The following HEPH variants were observed in gnomAD, a reference collection of about 807,000 sequenced individuals.
The protein encoded by HEPH is hephaestin.
Under a neutral mutation model 80.8 loss-of-function variants are expected in HEPH, and 69 were observed. The ratio of observed to expected loss-of-function variants is 0.85; its 90% CI spans 0.70 to 1.04. The LOEUF (loss-of-function observed/expected upper bound fraction) is 1.04, where lower values mean the gene tolerates loss of function less well. HEPH is among the 50% of genes least tolerant of loss of function. The pLI, the probability that HEPH is intolerant of heterozygous loss-of-function variation, is 0.00. For missense variants in HEPH, 1,115 were observed against 891.3 expected (o/e 1.25, Z -3.20); for synonymous variants, 431 against 322.8 (o/e 1.34, Z -3.60).
At chrX:66,170,119 T>C (rs984811902) in intron 1 of HEPH, 2 of 113,373 alleles carry the variant, frequency 1.8e-5, no homozygotes, top group Non-Finnish European at 3.7e-5. Context: ...TTCTCACTTG[T>C]TGTTAAGTAC....
At chrX:66,182,093 G>T (rs1359847202) in intron 4 of HEPH, among the ~76,000 whole-genome samples, 1 of 100,781 alleles carries the variant, frequency 9.9e-6, no homozygotes, top group Non-Finnish European at 2.0e-5. Context: ...TGCTGTTTTG[G>T]TTACTGTAGC....
At position 66,198,794 on chromosome X, in the gene HEPH, C is replaced by T. The variant is rs1169919317; in HGVS notation, c.1714-84C>T. On this transcript the variant is annotated intron_variant, in intron 10 of 20. Transcript: ENST00000343002. ...GAAAAGGAAATGGGAAAGAATCTGGCATCCCTTGATCTGTAACGACACAGT... is the reference window on the plus strand; with the variant it reads ...GAAAAGGAAATGGGAAAGAATCTGGTATCCCTTGATCTGTAACGACACAGT... The T allele has an allele frequency of 8.6e-6, 6 of 701,746 alleles. No homozygotes were observed. The East Asian group carries it at 1.3e-4, about 15-fold the overall frequency. 57.8% of individuals were successfully genotyped at this position (701,746 alleles called of 1,213,427 possible). A position where few individuals can be genotyped will look rare whatever the true frequency, so the allele number is the denominator to read the frequency against.
At chrX:66,199,929 T>C (rs751511681) in intron 11 of HEPH, among the ~76,000 whole-genome samples, 77 of 108,667 alleles carry the variant, frequency 7.1e-4, no homozygotes, top group Admixed American at 1.2e-3. Context: ...CACAGGACAA[T>C]GGTGTGTGTG....
rs756918779 is a variant in HEPH, at chrX:66,188,464, A to G, written c.731A>G (p.Asn244Ser). 1.7e-6 allele frequency: 2 copies of G among 1,208,310 alleles called. No homozygotes were observed. The highest frequency in any genetic ancestry group is 3.0e-5 in the East Asian group (1 of 33,755). The change falls in exon 5 of 21, where the codon AAC becomes AGC. Residue 244 changes from asparagine (N) to serine (S), a missense_variant. By Grantham distance (46) the Asn-to-Ser change is conservative (BLOSUM62 1). Transcript: ENST00000343002. ...DENLSWHLNE[N>S]IATYCSDPAS... is the part of the protein sequence containing the mutation. Reference sequence around the variant, plus strand: ...AACCTCAGCTGGCATCTCAATGAGAACATTGCCACTTACTGCTCAGATCCT... The same window carrying G: ...AACCTCAGCTGGCATCTCAATGAGAGCATTGCCACTTACTGCTCAGATCCT...
In HEPH at chrX:66,267,115, A is replaced by C. The variant is rs1280491743; in HGVS notation, c.*443A>C. ...GTTAAGATAACCCACACTTAAACTA[A>C]AGGCTAAGAATATAGGCTTGATGGG... is the stretch of plus-strand genomic sequence containing the variant. On this transcript the variant is annotated 3_prime_UTR_variant, in exon 21 of 21. Coordinates refer to ENST00000343002, the MANE Select transcript of HEPH (RefSeq NM_001367233.3). 3.2e-5 allele frequency: 4 copies of C among 123,181 alleles called. No individual in the cohort carries two copies. The highest frequency in any genetic ancestry group is 1.3e-4 in the African/African-American group (4 of 31,023). The allele number at this position is 123,181 out of a possible 1,213,427, so 10.2% of individuals were successfully genotyped here. A position where few individuals can be genotyped will look rare whatever the true frequency, so the allele number is the denominator to read the frequency against.
chrX:66,259,719 T>A (rs1366896373), intron 18 of HEPH, among the ~76,000 whole-genome samples: 1 of 106,581 alleles, frequency 9.4e-6, no homozygotes, highest in Admixed American at 1.0e-4. Flanking sequence ...GACTTTTTTT[T>A]TTTTTTTGAG....
At position 66,189,784 on chromosome X, in the gene HEPH, C is replaced by G. The variant is rs1382831609; in HGVS notation, c.909C>G (p.Val303=). The change falls in exon 6 of 21, where the codon GTC becomes GTG. Residue 303 remains valine, a synonymous_variant. Coordinates refer to ENST00000343002, the MANE Select transcript of HEPH (RefSeq NM_001367233.3). The stretch of plus-strand genomic sequence containing the variant: ...TTGGCATGGGCAATGAAATTGATGT[C>G]CACACAGCATTTTTCCATGGACAGA... ...HLFGMGNEID[V]HTAFFHGQML... The G allele has an allele frequency of 1.6e-5, 19 of 1,208,906 alleles. No individual in the cohort carries two copies. The highest frequency in any genetic ancestry group is 2.1e-5 in the Non-Finnish European group (19 of 894,967).
intron 15 of HEPH, among the ~76,000 whole-genome samples, chrX:66,225,314 C>T (rs1387558820): frequency 5.4e-5 from 6 of 111,906 alleles, no homozygotes; most frequent in African/African-American, 1.9e-4. Context: ...CAAAACACCA[C>T]GCTTACATCA....
chrX:66,173,942 TG>T (rs766027708), intron 4 of HEPH, 141 bp downstream of exon 4: 7 of 387,890 alleles, frequency 1.8e-5, no homozygotes, highest in Non-Finnish European at 3.0e-5. Context: ...GAAAAATCTC[TG>T]CTAAACTCAC....
At chrX:66,245,187 A>G (rs1021320112) in intron 15 of HEPH, among the ~76,000 whole-genome samples, 1 of 111,226 alleles carries the variant, frequency 9.0e-6, no homozygotes, top group Non-Finnish European at 1.9e-5. Flanking sequence ...TGACTGGCAA[A>G]TTGGATAAAG....
intron 15 of HEPH, among the ~76,000 whole-genome samples, chrX:66,237,001 ATTCT>A (rs2090388214): frequency 9.0e-6 from 1 of 110,757 alleles, no homozygotes; most frequent in Non-Finnish European, 1.9e-5. Context: ...TTATTTGGAT[ATTCT>A]TTCTTTCTTC....
chrX:66,254,844 A>T (rs754939235), intron 15 of HEPH, among the ~76,000 whole-genome samples, 191 bp from the exon 16 acceptor site: 2 of 107,084 alleles, frequency 1.9e-5, no homozygotes, highest in South Asian at 8.7e-4. Context: ...AGGATAGGGA[A>T]AGTAGAAAAG....
At chrX:66,244,672 G>T in intron 15 of HEPH, among the ~76,000 whole-genome samples, 1 of 111,307 alleles carries the variant, frequency 9.0e-6, no homozygotes, top group East Asian at 2.8e-4. Context: ...ATTTCAGCCT[G>T]ATTAAGAACC....
chrX:66,163,506 A>T (rs371704640), upstream of HEPH, among the ~76,000 whole-genome samples: 7 of 111,063 alleles, frequency 6.3e-5, no homozygotes, highest in South Asian at 2.7e-3. Context: ...ATAAAATTTC[A>T]CTCTAGAATC....
intron 15 of HEPH, among the ~76,000 whole-genome samples, chrX:66,222,533 T>C (rs1007779367): frequency 1.4e-4 from 16 of 112,089 alleles, no homozygotes; most frequent in Non-Finnish European, 3.0e-4. Context: ...ACTTCTATGA[T>C]CCTCTAGTAA....
chrX:66,216,756 G>A lies in HEPH; in HGVS notation c.2563+8510G>A, dbSNP rs947541002. Among the ~76,000 whole-genome samples the A allele has an allele frequency of 4.5e-5, 5 of 111,859 alleles. No individual in the cohort carries two copies. The Admixed American group carries it at 4.7e-4, about 11-fold the overall frequency. On this transcript the variant is annotated intron_variant, in intron 15 of 20. Transcript: ENST00000343002. ...GGCCAGAAGAAAAAATCAGAAGGTA[G>A]ACTATTAAGCTAATCAAGGAGGCAC...
At chrX:66,167,411 C>G (rs777771191) in intron 1 of HEPH, among the ~76,000 whole-genome samples, 6 of 112,073 alleles carry the variant, frequency 5.4e-5, no homozygotes, top group Non-Finnish European at 1.1e-4. Flanking sequence ...TAGTCTCTCC[C>G]AGGAATATTT....
intron 15 of HEPH, among the ~76,000 whole-genome samples, chrX:66,221,708 G>A (rs189276952): frequency 1.3e-4 from 15 of 112,777 alleles, no homozygotes; most frequent in African/African-American, 2.9e-4. Context: ...CCCAGGGCTC[G>A]GGCTGACATG....
chrX:66,245,320 G>C (rs1289465225), intron 15 of HEPH, among the ~76,000 whole-genome samples: 2 of 110,797 alleles, frequency 1.8e-5, no homozygotes, highest in African/African-American at 6.6e-5. Flanking sequence ...AAAAGGCAGG[G>C]GTTGCAATCC....
Sources: gnomAD v4.1 joint callset for allele counts (sites outside exome capture counted in the v4.1 genomes callset) on GRCh38, gnomAD v4.1.1 for gene constraint, MANE v1.5 for transcripts, NCBI Gene and HGNC (gene_info 2026-07-23, HGNC 2026-07-21) for gene names.